The following RYR3 variants were observed in gnomAD, a reference collection of about 807,000 sequenced individuals.
RYR3 encodes brain ryanodine receptor-calcium release channel.
Under a neutral mutation model 584.3 loss-of-function variants are expected in RYR3, and 207 were observed. The observed-to-expected ratio is 0.35, with a 90% CI of 0.32 to 0.40. The LOEUF is 0.40. Among genes scored for constraint, RYR3 ranks in the 10% least tolerant of loss-of-function variants. The pLI is 1.00. For synonymous variants in RYR3, 2,416 were observed against 2,248.5 expected, an observed-to-expected ratio of 1.07 and a Z score of -2.11; for missense variants, 5,616 against 6,089.2, an observed-to-expected ratio of 0.92 and a Z score of 2.59.
At position 33,615,057 on chromosome 15, in the gene RYR3, C is replaced by CA. The variant is rs1205807912; in HGVS notation, c.2357+1686dup. ...GTTATTCATTTTAATGTCTGTAAGG[C>CA]AAAACCCCACAATAACCCTTCTTTC... On this transcript the variant is annotated intron_variant, in intron 19 of 103. Transcript: ENST00000634891. Among the ~76,000 whole-genome samples, 4 of 152,160 alleles carry CA rather than the reference C, an allele frequency of 2.6e-5. No homozygotes were observed. In the East Asian group the frequency reaches 7.7e-4, roughly 29 times the overall value.
At chr15:33,402,739 C>T (rs931946038) in intron 1 of RYR3, among the ~76,000 whole-genome samples, 2 of 152,294 alleles carry the variant, frequency 1.3e-5, no homozygotes, top group Non-Finnish European at 2.9e-5. Context: ...GGCCCCAGGA[C>T]GACAATGACT....
At chr15:33,713,491 G>C (rs1447130349) in intron 43 of RYR3, among the ~76,000 whole-genome samples, 1 of 151,344 alleles carries the variant, frequency 6.6e-6, no homozygotes, top group Non-Finnish European at 1.5e-5. Flanking sequence ...TGAGTGTGGT[G>C]AATGATGGTG....
At chr15:33,670,594 T>G (rs771616935) in intron 38 of RYR3, 38 bp downstream of exon 38, 48 of 1,521,824 alleles carry the variant, frequency 3.2e-5, no homozygotes, top group Non-Finnish European at 3.9e-5. Flanking sequence ...TGTGCTCTTC[T>G]AAGACTTAAT....
intron 3 of RYR3, among the ~76,000 whole-genome samples, chr15:33,526,384 C>T (rs1028426537): frequency 2.6e-5 from 4 of 152,176 alleles, no homozygotes; most frequent in Admixed American, 1.3e-4. Context: ...TTTCCTTCTG[C>T]CAGTGGTAAT....
intron 38 of RYR3, among the ~76,000 whole-genome samples, chr15:33,675,465 C>T (rs189158226): frequency 1.3e-3 from 205 of 152,258 alleles, no homozygotes; most frequent in African/African-American, 4.6e-3. Flanking sequence ...GGCTGTGAAA[C>T]GGCTTAAGGA....
chr15:33,806,652 G>A (rs1407141554), intron 69 of RYR3, among the ~76,000 whole-genome samples: 1 of 152,148 alleles, frequency 6.6e-6, no homozygotes, highest in Non-Finnish European at 1.5e-5. Context: ...CATGTTTAAA[G>A]GTTGTAGCAC....
chr15:33,667,109 C>A (rs928377140), intron 36 of RYR3, among the ~76,000 whole-genome samples: 13 of 152,078 alleles, frequency 8.5e-5, no homozygotes, highest in African/African-American at 3.1e-4. Context: ...TACCTACTTG[C>A]AAAATATGGT....
At chr15:33,506,661 C>T (rs1349950250) in intron 3 of RYR3, among the ~76,000 whole-genome samples, 1 of 152,176 alleles carries the variant, frequency 6.6e-6, no homozygotes, top group Non-Finnish European at 1.5e-5. Context: ...GCATTGATGA[C>T]TCCACAAAAT....
Position 33,334,832 on chromosome 15 carries a change from G to GA in RYR3, c.51+23748dup, listed in dbSNP as rs879492272. Among the ~76,000 whole-genome samples, 486 of 146,574 alleles carry GA rather than the reference G, an allele frequency of 3.3e-3. 1 individual carries two copies. The highest frequency in any genetic ancestry group is 0.011 in the African/African-American group (435 of 40,736). On this transcript the variant is annotated intron_variant, in intron 1 of 103. Coordinates refer to ENST00000634891, the MANE Select transcript of RYR3 (RefSeq NM_001036.6). ...GTAAGGAACTTAAACAAATTGACAAGAAAAAAAAAAAACCCCATTAAACAG... is the reference window on the plus strand; with the variant it reads ...GTAAGGAACTTAAACAAATTGACAAGAAAAAAAAAAAAACCCCATTAAACAG...
At chr15:33,816,995 G>C (rs1359028868) in intron 75 of RYR3, 37 bp downstream of exon 75, 5 of 1,277,646 alleles carry the variant, frequency 3.9e-6, no homozygotes, top group Non-Finnish European at 4.5e-6. Flanking sequence ...ATATGAGTGT[G>C]GATGAATTTG....
intron 67 of RYR3, among the ~76,000 whole-genome samples, chr15:33,800,381 C>T (rs2075856931): frequency 1.3e-5 from 2 of 152,176 alleles, no homozygotes; most frequent in Admixed American, 1.3e-4. Context: ...ACTTGCCTAC[C>T]TTTGCTAGCC....
Position 33,634,651 on chromosome 15 carries a change from G to A in RYR3, c.3093G>A (p.Lys1031=). The part of the protein sequence containing the change: ...PYALLDERTK[K]SNRDSLREAV... ...CATTACTGGATGAGCGTACCAAGAA[G>A]TCAAACAGGGACAGCCTGCGGGAAG... is the stretch of plus-strand genomic sequence containing the variant. The change falls in exon 25 of 104, where the codon AAG becomes AAA. Residue 1031 remains lysine, a synonymous_variant. Transcript: ENST00000634891. 8.1e-6 allele frequency: 13 copies of A among 1,613,984 alleles called. No homozygotes were observed. Among genetic ancestry groups the A allele is most frequent in the Non-Finnish European group, 1.1e-5 (13 of 1,179,854 alleles).
intron 14 of RYR3, among the ~76,000 whole-genome samples, chr15:33,583,897 C>G (rs921676654): frequency 6.6e-6 from 1 of 151,816 alleles, no homozygotes; most frequent in African/African-American, 2.4e-5. Context: ...ACTAAAAATA[C>G]AAAAATTAGC....
At chr15:33,689,889 G>C (rs2065293193) in intron 38 of RYR3, among the ~76,000 whole-genome samples, 1 of 152,188 alleles carries the variant, frequency 6.6e-6, no homozygotes, top group Non-Finnish European at 1.5e-5. Context: ...GGTAATAATT[G>C]TGTCTTGAAA....
intron 60 of RYR3, among the ~76,000 whole-genome samples, chr15:33,759,331 G>A (rs992249040): frequency 9.9e-5 from 15 of 152,150 alleles, no homozygotes; most frequent in African/African-American, 3.4e-4. Flanking sequence ...CAGAAGATGG[G>A]TAATAACAAA....
intron 1 of RYR3, among the ~76,000 whole-genome samples, chr15:33,358,337 A>T (rs1974271872): frequency 6.6e-6 from 1 of 152,220 alleles, no homozygotes; most frequent in Admixed American, 6.5e-5. Flanking sequence ...AACTCAGTCT[A>T]TCAACAATAA....
intron 42 of RYR3, among the ~76,000 whole-genome samples, 198 bp downstream of exon 42, chr15:33,701,278 G>A (rs1007191098): frequency 6.6e-6 from 1 of 152,204 alleles, no homozygotes; most frequent in East Asian, 1.9e-4. Context: ...AACACAGGTA[G>A]CCAACTTCAG....
intron 1 of RYR3, among the ~76,000 whole-genome samples, chr15:33,322,668 T>C (rs1258324956): frequency 1.3e-5 from 2 of 152,162 alleles, no homozygotes; most frequent in African/African-American, 4.8e-5. Flanking sequence ...GGCATGATGG[T>C]ACACAATTCA....
chr15:33,629,983 T>C lies in RYR3; in HGVS notation c.2723T>C (p.Phe908Ser), dbSNP rs760105274. 1.2e-6 allele frequency: 2 copies of C among 1,607,330 alleles called. No homozygotes were observed. The highest frequency in any genetic ancestry group is 3.4e-5 in the Admixed American group (2 of 59,208). ...AGACAACACCCTTGCCTTGTGGAGT[T>C]TTCAAAGCTCCCAGAAACTGAGAAG... ...NKRQHPCLVE[F>S]SKLPETEKNY... The change falls in exon 22 of 104, where the codon TTT becomes TCT. Residue 908 changes from phenylalanine to serine, a missense_variant. By Grantham distance (155) the Phe-to-Ser change is radical. Transcript: ENST00000634891.
Sources: allele counts gnomAD v4.1 joint callset (sites outside exome capture counted in the v4.1 genomes callset), GRCh38; gene constraint gnomAD v4.1.1; transcripts MANE v1.5; gene names NCBI Gene and HGNC (gene_info 2026-07-23, HGNC 2026-07-21).